The following CSNK1G1 variants were observed in gnomAD, a reference collection of about 807,000 sequenced individuals.
The protein encoded by CSNK1G1 is casein kinase I isoform gamma-1.
Under a neutral mutation model 59.6 loss-of-function variants are expected in CSNK1G1, and 22 were observed. That is an observed-to-expected ratio of 0.37 (90% confidence interval 0.26 to 0.53). CSNK1G1 has a LOEUF of 0.53. Among genes scored for constraint, CSNK1G1 ranks in the 20% least tolerant of loss-of-function variants. The pLI, the probability that CSNK1G1 is intolerant of heterozygous loss-of-function variation, is 0.89. For missense variants in CSNK1G1, 384 were observed against 519.5 expected, an observed-to-expected ratio of 0.74 and a Z score of 2.54; for synonymous variants, 179 against 177.1, an observed-to-expected ratio of 1.01 and a Z score of -0.08.
intron 3 of CSNK1G1, among the ~76,000 whole-genome samples, chr15:64,254,411 T>C (rs1892259780): frequency 6.7e-6 from 1 of 150,006 alleles, no homozygotes; most frequent in African/African-American, 2.5e-5. Flanking sequence ...TGGAGTGCAA[T>C]GGCATGATAT....
At chr15:64,199,274 A>G (rs1460781495) in intron 10 of CSNK1G1, among the ~76,000 whole-genome samples, 3 of 139,776 alleles carry the variant, frequency 2.1e-5, no homozygotes, top group Middle Eastern at 3.5e-3. Context: ...AAAAAAAAAG[A>G]AAAAGAAAAG....
intron 6 of CSNK1G1, among the ~76,000 whole-genome samples, chr15:64,209,247 T>G (rs2082221285): frequency 1.3e-5 from 2 of 152,196 alleles, no homozygotes; most frequent in Admixed American, 1.3e-4. Flanking sequence ...TTTATCTGAA[T>G]AAACTACAGA....
intron 4 of CSNK1G1, among the ~76,000 whole-genome samples, chr15:64,226,880 G>T (rs1264985341): frequency 6.6e-6 from 1 of 152,086 alleles, no homozygotes; most frequent in Non-Finnish European, 1.5e-5. Context: ...AAAAAATGAG[G>T]TTACCCAAAG....
intron 1 of CSNK1G1, among the ~76,000 whole-genome samples, chr15:64,308,326 TG>T (rs1439959708): frequency 6.6e-6 from 1 of 152,160 alleles, no homozygotes; most frequent in East Asian, 1.9e-4. Context: ...CTCAAACTCC[TG>T]GGTTCAAGAG....
intron 2 of CSNK1G1, among the ~76,000 whole-genome samples, chr15:64,290,074 G>A (rs1300568681): frequency 1.3e-5 from 2 of 152,076 alleles, no homozygotes; most frequent in Admixed American, 6.5e-5. Flanking sequence ...ATGTTGGCAT[G>A]GGTGCAGAGA....
At position 64,204,871 on chromosome 15, in the gene CSNK1G1, A is replaced by G; in HGVS notation, c.844T>C (p.Phe282Leu). The stretch of plus-strand genomic sequence containing the variant: ...TGTCTTTTTAGCATCCCACCTGGAA[A>G]GTTCTCACAGAGAGCTTCAATGGGA... ...NTPIEALCEN[F>L]PEEMATYLRY... The change falls in exon 8 of 12, where the codon TTT becomes CTT. Residue 282 changes from phenylalanine to leucine, a missense_variant. Phe to Leu is a conservative substitution (Grantham distance 22, BLOSUM62 0). Transcript: ENST00000303052. 1 of 1,606,028 alleles carries G rather than the reference A, an allele frequency of 6.2e-7. No individual in the cohort carries two copies. The highest frequency in any genetic ancestry group is 8.5e-7 in the Non-Finnish European group (1 of 1,172,982).
At chr15:64,255,697 G>C (rs1291185797) in intron 3 of CSNK1G1, among the ~76,000 whole-genome samples, 1 of 151,974 alleles carries the variant, frequency 6.6e-6, no homozygotes, top group South Asian at 2.1e-4. Context: ...TTAATTCTTT[G>C]ATCATCTTTG....
At chr15:64,326,676 A>G (rs1223391233) in intron 1 of CSNK1G1, among the ~76,000 whole-genome samples, 1 of 151,450 alleles carries the variant, frequency 6.6e-6, no homozygotes, top group African/African-American at 2.4e-5. Flanking sequence ...AGGAGCCAAG[A>G]TGGCCGAATA....
chr15:64,271,528 AT>A (rs758489025), intron 2 of CSNK1G1, among the ~76,000 whole-genome samples: 27 of 152,242 alleles, frequency 1.8e-4, no homozygotes, highest in Middle Eastern at 6.8e-3. Context: ...AGCTCAAGCA[AT>A]CAGCCCACCT....
At chr15:64,239,166 C>G (rs75125241) in intron 4 of CSNK1G1, among the ~76,000 whole-genome samples, 78 of 152,268 alleles carry the variant, frequency 5.1e-4, no homozygotes, top group African/African-American at 1.8e-3. Context: ...ATCAAAGCCA[C>G]TCTAGAAAGT....
At chr15:64,222,437 CA>C (rs1170075981) in intron 4 of CSNK1G1, among the ~76,000 whole-genome samples, 2,619 of 68,964 alleles carry the variant, frequency 0.038, 69 homozygotes, top group African/African-American at 0.071. Context: ...ACAACACCAC[CA>C]AAAAAAAAAA....
At chr15:64,300,259 A>C in intron 2 of CSNK1G1, 60 bp downstream of exon 2, 1 of 1,509,816 alleles carries the variant, frequency 6.6e-7, no homozygotes, top group Non-Finnish European at 9.1e-7. Context: ...CTTGAAACAC[A>C]CCAAAGCTTA....
At chr15:64,179,725 G>A (rs1165292829) in intron 11 of CSNK1G1, among the ~76,000 whole-genome samples, 3 of 152,178 alleles carry the variant, frequency 2.0e-5, no homozygotes, top group Non-Finnish European at 4.4e-5. Flanking sequence ...GCGCACCAAG[G>A]GGCTGGTGGT....
At chr15:64,204,989 C>T in intron 7 of CSNK1G1, 40 bp from the exon 8 acceptor site, 4 of 1,150,470 alleles carry the variant, frequency 3.5e-6, no homozygotes, top group Non-Finnish European at 5.2e-6. Context: ...TAAAAGAGGG[C>T]CTAAACATGG....
At chr15:64,184,915 G>A (rs544243681) in intron 10 of CSNK1G1, among the ~76,000 whole-genome samples, 31 of 152,264 alleles carry the variant, frequency 2.0e-4, no homozygotes, top group African/African-American at 6.5e-4. Flanking sequence ...ATGTCACTGT[G>A]AGGAGAAATC....
At chr15:64,274,998 A>T (rs1036654869) in intron 2 of CSNK1G1, among the ~76,000 whole-genome samples, 1 of 152,220 alleles carries the variant, frequency 6.6e-6, no homozygotes. Flanking sequence ...ATGTCTATTT[A>T]GGGCAAAGAG....
Position 64,301,059 on chromosome 15 carries a change from TAAAG to T in CSNK1G1, c.-224-340_-224-337del, listed in dbSNP as rs1483482854. ...ATACAGAGCAGTGCTAAAATCAAGTTAAAGAAACTGAGGATGATTTAATTTTAAG... is the reference window on the plus strand; with the variant it reads ...ATACAGAGCAGTGCTAAAATCAAGTTAAACTGAGGATGATTTAATTTTAAG... On this transcript the variant is annotated intron_variant, in intron 1 of 11. Transcript: ENST00000303052. Among the ~76,000 whole-genome samples, 8 of 152,318 alleles carry T rather than the reference TAAAG, an allele frequency of 5.3e-5. 1 individual carries two copies. Among genetic ancestry groups the T allele is most frequent in the African/African-American group, 1.7e-4 (7 of 41,574 alleles).
chr15:64,168,846 G>C lies in CSNK1G1; in HGVS notation c.*3085C>G, dbSNP rs371494030. The C allele has an allele frequency of 6.6e-6, 1 of 152,232 alleles. No homozygotes were observed. Among genetic ancestry groups the C allele is most frequent in the East Asian group, 1.9e-4 (1 of 5,194 alleles). The allele number at this position is 152,232 out of a possible 1,614,324, so 9.4% of individuals were successfully genotyped here. ...CTCAGGTTTTTTGCTTATTTTTAAGGAAGATCCCACCAGAATCTCCCAGGT... is the reference window on the plus strand; with the variant it reads ...CTCAGGTTTTTTGCTTATTTTTAAGCAAGATCCCACCAGAATCTCCCAGGT... On this transcript the variant is annotated 3_prime_UTR_variant, in exon 12 of 12. Transcript: ENST00000303052.
chr15:64,233,359 T>TC lies in CSNK1G1; in HGVS notation c.293-16647_293-16646insG, dbSNP rs1491405449. 9.9e-3 allele frequency among the ~76,000 whole-genome samples: 1,359 copies of TC among 137,292 alleles called. 18 individuals carry two copies. The highest frequency in any genetic ancestry group is 0.033 in the African/African-American group (1,299 of 39,430). 90.1% of individuals were successfully genotyped at this position (137,292 alleles called of 152,430 possible). The stretch of plus-strand genomic sequence containing the variant: ...AAAGGACAGATTCTCTCTCTCTCTC[T>TC]TTCTCTCTTTTTTTTACATTTTCCT... On this transcript the variant is annotated intron_variant, in intron 4 of 11. Coordinates refer to ENST00000303052, the MANE Select transcript of CSNK1G1 (RefSeq NM_022048.5).
Sources: allele counts gnomAD v4.1 joint callset (sites outside exome capture counted in the v4.1 genomes callset), GRCh38; gene constraint gnomAD v4.1.1; transcripts MANE v1.5; gene names NCBI Gene and HGNC (gene_info 2026-07-23, HGNC 2026-07-21).